CACNG5: variants seen among roughly 807,000 people sequenced by gnomAD.
CACNG5 encodes calcium voltage-gated channel auxiliary subunit gamma 5, also known as voltage-dependent calcium channel gamma-5 subunit.
CACNG5 carries 18 observed loss-of-function variants against 24.8 expected under a neutral mutation model. That is an observed-to-expected ratio of 0.73 (90% CI 0.50 to 1.08). The LOEUF (loss-of-function observed/expected upper bound fraction) is 1.08, where lower values mean the gene tolerates loss of function less well. Among genes scored for constraint, CACNG5 ranks in the 50% least tolerant of loss-of-function variants. CACNG5 has a pLI of 0.00. For missense variants in CACNG5, 349 were observed against 367.9 expected, an observed-to-expected ratio of 0.95 and a Z score of 0.42; for synonymous variants, 157 against 149.1, an observed-to-expected ratio of 1.05 and a Z score of -0.39.
chr17:66,873,934 CTGTT>C (rs950425943), intron 1 of CACNG5, among the ~76,000 whole-genome samples: 1 of 59,138 alleles, frequency 1.7e-5, no homozygotes, highest in Non-Finnish European at 2.9e-5. Context: ...TTCTCACAAG[CTGTT>C]TTTTTTTTTT....
At chr17:66,869,826 G>C (rs1215805819) in intron 1 of CACNG5, among the ~76,000 whole-genome samples, 3 of 152,188 alleles carry the variant, frequency 2.0e-5, no homozygotes, top group Non-Finnish European at 4.4e-5. Flanking sequence ...GCTCATGCCT[G>C]TAATCCCAGC....
intron 1 of CACNG5, among the ~76,000 whole-genome samples, chr17:66,872,846 G>A (rs1443010506): frequency 1.3e-5 from 2 of 152,148 alleles, no homozygotes; most frequent in Non-Finnish European, 1.5e-5. Flanking sequence ...TATCAAACGA[G>A]AAGCCTTTAT....
chr17:66,851,734 C>T (rs998682159), intron 1 of CACNG5, among the ~76,000 whole-genome samples: 11 of 151,854 alleles, frequency 7.2e-5, no homozygotes, highest in African/African-American at 2.2e-4. Context: ...ATATTGGGAA[C>T]GAGAAAAAGA....
In CACNG5 at chr17:66,877,373, GT is replaced by G; in HGVS notation, c.42del (p.Ser14ArgfsTer27). 6.2e-7 allele frequency: 1 copy of G among 1,614,162 alleles called. No individual in the cohort carries two copies. The highest frequency in any genetic ancestry group is 1.1e-5 in the South Asian group (1 of 91,088). ...CGRKALTLLS[S>X]VFAVCGLGLL... ...AGGAAGGCCCTGACCCTGCTGAGCA[GT>G]GTCTTTGCTGTCTGTGGCTTGGGCC... On this transcript the variant is annotated frameshift_variant, in exon 2 of 6. Transcript: ENST00000533854. LOFTEE classifies it high-confidence loss of function.
rs909523721 is a variant in CACNG5 at position 66,890,178 on chromosome 17, T to A, written c.*4938T>A. Among the ~76,000 whole-genome samples the A allele has an allele frequency of 1.3e-5, 2 of 152,226 alleles. No homozygotes were observed. The highest frequency in any genetic ancestry group is 4.8e-5 in the African/African-American group (2 of 41,464). Reference sequence around the variant, plus strand: ...GGATGGATGAGTGGATTCTGTCTAATGCACCTGTGCCTGAGGCCCGGCTAG... The same window carrying A: ...GGATGGATGAGTGGATTCTGTCTAAAGCACCTGTGCCTGAGGCCCGGCTAG... On this transcript the variant is annotated 3_prime_UTR_variant, in exon 6 of 6. Transcript: ENST00000533854.
intron 1 of CACNG5, among the ~76,000 whole-genome samples, chr17:66,871,851 C>T (rs1977012137): frequency 6.6e-6 from 1 of 152,112 alleles, no homozygotes; most frequent in African/African-American, 2.4e-5. Context: ...CAGAGCGAGA[C>T]TCCATCTCAA....
In CACNG5 at chr17:66,889,035, A is replaced by G. The variant is rs917487201; in HGVS notation, c.*3795A>G. On this transcript the variant is annotated 3_prime_UTR_variant, in exon 6 of 6. Transcript: ENST00000533854. Reference sequence around the variant, plus strand: ...CAGTGCAGTGGTGTGATCTCGGCTCACTGCAACCTCTGCTTCCTGGGCTCA... The same window carrying G: ...CAGTGCAGTGGTGTGATCTCGGCTCGCTGCAACCTCTGCTTCCTGGGCTCA... Among the ~76,000 whole-genome samples the G allele has an allele frequency of 1.3e-5, 2 of 150,966 alleles. No homozygotes were observed. The highest frequency in any genetic ancestry group is 3.0e-5 in the Non-Finnish European group (2 of 67,604).
Position 66,880,520 on chromosome 17 carries a change from G to A in CACNG5, c.284-37G>A, listed in dbSNP as rs201723466. ...GGATGATGAGGAATGAATCAGGCCT[G>A]GAGGCTGACAGGCCGCCCTTTTGTC... On this transcript the variant is annotated intron_variant, in intron 3 of 5. Coordinates refer to ENST00000533854, the MANE Select transcript of CACNG5 (RefSeq NM_145811.3). The A allele has an allele frequency of 7.3e-4, 1,185 of 1,613,572 alleles. 1 individual carries two copies. Among genetic ancestry groups the A allele is most frequent in the Non-Finnish European group, 9.3e-4 (1,093 of 1,179,636 alleles).
chr17:66,870,356 G>T (rs1976988368), intron 1 of CACNG5, among the ~76,000 whole-genome samples: 1 of 152,188 alleles, frequency 6.6e-6, no homozygotes. Context: ...GTCAAGCAGA[G>T]CACCTGCACA....
chr17:66,849,115 C>T (rs1425136856), intron 1 of CACNG5, among the ~76,000 whole-genome samples: 1 of 152,168 alleles, frequency 6.6e-6, no homozygotes, highest in African/African-American at 2.4e-5. Flanking sequence ...AAAACTGCAG[C>T]CAACATTTTC....
intron 1 of CACNG5, among the ~76,000 whole-genome samples, chr17:66,847,566 C>T (rs1976653780): frequency 2.5e-5 from 1 of 40,806 alleles, no homozygotes. Flanking sequence ...ACTCAACTAC[C>T]TCCCCCTGGT....
intron 1 of CACNG5, among the ~76,000 whole-genome samples, chr17:66,864,982 G>T (rs1976910481): frequency 6.6e-6 from 1 of 152,100 alleles, no homozygotes; most frequent in African/African-American, 2.4e-5. Flanking sequence ...GGCTAGTCTT[G>T]AATTACTGAA....
rs774474394 is a variant in CACNG5, at chr17:66,885,063, C to T, written c.651C>T (p.Tyr217=). 2.5e-6 allele frequency: 4 copies of T among 1,614,202 alleles called. No homozygotes were observed. The highest frequency in any genetic ancestry group is 1.1e-5 in the South Asian group (1 of 91,088). ...TGTACAGGCCCCACCCTGGCTTCTA[C>T]CGCCCTCGGCTGAGCAACTGCTCCG... The part of the protein sequence containing the change: ...EDMYRPHPGF[Y]RPRLSNCSDY... Residue 217 remains tyrosine (Y), a synonymous_variant, in exon 6 of 6, where the codon TAC becomes TAT. Coordinates refer to ENST00000533854, the MANE Select transcript of CACNG5 (RefSeq NM_145811.3).
intron 1 of CACNG5, among the ~76,000 whole-genome samples, chr17:66,869,464 G>A (rs915022629): frequency 1.3e-4 from 20 of 152,206 alleles, no homozygotes; most frequent in Non-Finnish European, 2.5e-4. Flanking sequence ...TCTTTCATAA[G>A]TCTTCACAAT....
rs189431216 is a variant in CACNG5, at chr17:66,845,587, C to T, written c.-104+10337C>T. On this transcript the variant is annotated intron_variant, in intron 1 of 5. Coordinates refer to ENST00000533854, the MANE Select transcript of CACNG5 (RefSeq NM_145811.3). Reference sequence around the variant, plus strand: ...CAATTAGGGGTCCTTGTCTGTGCTCCCGTGGCATCCCCAGCACACCTCCAT... The same window carrying T: ...CAATTAGGGGTCCTTGTCTGTGCTCTCGTGGCATCCCCAGCACACCTCCAT... Among the ~76,000 whole-genome samples, 333 of 152,230 alleles carry T rather than the reference C, an allele frequency of 2.2e-3. 3 individuals are homozygous for T. The highest frequency in any genetic ancestry group is 7.5e-3 in the African/African-American group (312 of 41,524).
At chr17:66,867,187 T>C (rs1009666876) in intron 1 of CACNG5, among the ~76,000 whole-genome samples, 3 of 152,338 alleles carry the variant, frequency 2.0e-5, no homozygotes, top group Middle Eastern at 3.4e-3. Flanking sequence ...TGGTATCTCA[T>C]TGTGGTTTTG....
chr17:66,850,442 G>A (rs77941002), intron 1 of CACNG5, among the ~76,000 whole-genome samples: 8,560 of 152,262 alleles, frequency 0.056, 291 homozygotes, highest in East Asian at 0.08. Context: ...GGAAGAAGCA[G>A]AGAAAGCCAT....
rs1977265199 is a variant in CACNG5 at position 66,886,640 on chromosome 17, G to A, written c.*1400G>A. Reference sequence around the variant, plus strand: ...CCTCTTTAAGACGCCGCTAGGTTCTGAGAACAGAAAGCCATGGTGGCGACA... The same window carrying A: ...CCTCTTTAAGACGCCGCTAGGTTCTAAGAACAGAAAGCCATGGTGGCGACA... On this transcript the variant is annotated 3_prime_UTR_variant, in exon 6 of 6. Transcript: ENST00000533854. 6.6e-6 allele frequency among the ~76,000 whole-genome samples: 1 copy of A among 152,210 alleles called. No homozygotes were observed. Among genetic ancestry groups the A allele is most frequent in the Non-Finnish European group, 1.5e-5 (1 of 68,042 alleles).
chr17:66,857,721 AGATCATGAGTGCAT>A (rs1976801547), intron 1 of CACNG5, among the ~76,000 whole-genome samples: 1 of 152,232 alleles, frequency 6.6e-6, no homozygotes, highest in Non-Finnish European at 1.5e-5. Flanking sequence ...GACCAAAATC[AGATCATGAGTGCAT>A]GGTCTGCATA....
Sources: gnomAD v4.1 joint callset for allele counts (sites outside exome capture counted in the v4.1 genomes callset) on GRCh38, gnomAD v4.1.1 for gene constraint, MANE v1.5 for transcripts, NCBI Gene and HGNC (gene_info 2026-07-23, HGNC 2026-07-21) for gene names.